The following SNTB1 variants were observed in gnomAD, a reference collection of about 807,000 sequenced individuals.
SNTB1 encodes the protein beta-1-syntrophin.
A neutral mutation model predicts 48.9 loss-of-function variants in SNTB1; 36 were observed. The observed-to-expected ratio is 0.74, with a 90% confidence interval of 0.56 to 0.97. SNTB1 has a LOEUF of 0.97. SNTB1 is among the 50% of genes least tolerant of loss of function. The pLI, the probability that SNTB1 is intolerant of heterozygous loss-of-function variation, is 0.00. For missense variants in SNTB1, 786 were observed against 703.4 expected (o/e 1.12, Z -1.33); for synonymous variants, 299 against 294.6 (o/e 1.01, Z -0.15).
chr8:120,762,867 A>G (rs1819446026), intron 1 of SNTB1, among the ~76,000 whole-genome samples: 1 of 152,218 alleles, frequency 6.6e-6, no homozygotes, highest in Non-Finnish European at 1.5e-5. Context: ...TAACAACAAA[A>G]TAACTAATAT....
At chr8:120,641,044 T>C (rs1817185767) in intron 2 of SNTB1, among the ~76,000 whole-genome samples, 1 of 152,142 alleles carries the variant, frequency 6.6e-6, no homozygotes, top group South Asian at 2.1e-4. Flanking sequence ...GCCAGCATTT[T>C]TTTTTCTTCC....
intron 3 of SNTB1, among the ~76,000 whole-genome samples, chr8:120,602,044 T>A (rs1415075355): frequency 2.0e-5 from 3 of 152,268 alleles, no homozygotes; most frequent in African/African-American, 7.2e-5. Context: ...TGATTAAATT[T>A]CATTTAGTAT....
intron 3 of SNTB1, among the ~76,000 whole-genome samples, chr8:120,594,401 C>A (rs757833032): frequency 5.3e-5 from 8 of 152,174 alleles, no homozygotes; most frequent in Non-Finnish European, 8.8e-5. Context: ...CCAAGCCCAG[C>A]TAATTTTTGT....
At chr8:120,776,192 T>C (rs1427803332) in intron 1 of SNTB1, among the ~76,000 whole-genome samples, 1 of 152,194 alleles carries the variant, frequency 6.6e-6, no homozygotes, top group African/African-American at 2.4e-5. Context: ...CTCCTCAGAT[T>C]ACCAATCCTC....
chr8:120,768,967 T>G (rs1027380814), intron 1 of SNTB1: 1 of 152,228 alleles, frequency 6.6e-6, no homozygotes, highest in Non-Finnish European at 1.5e-5. Flanking sequence ...ATCAGACTGA[T>G]GCACACTACC....
At chr8:120,588,139 T>C (rs1816179528) in intron 3 of SNTB1, among the ~76,000 whole-genome samples, 1 of 152,152 alleles carries the variant, frequency 6.6e-6, no homozygotes, top group Non-Finnish European at 1.5e-5. Flanking sequence ...TGGGGTGTGT[T>C]TGTGGGCTTC....
intron 3 of SNTB1, among the ~76,000 whole-genome samples, chr8:120,624,670 G>A (rs965126470): frequency 2.0e-5 from 3 of 152,114 alleles, no homozygotes; most frequent in Non-Finnish European, 4.4e-5. Flanking sequence ...TAGTCCCAGA[G>A]TCTTAACTTG....
chr8:120,662,813 A>T (rs1817612122), intron 2 of SNTB1, among the ~76,000 whole-genome samples: 2 of 152,138 alleles, frequency 1.3e-5, no homozygotes, highest in African/African-American at 4.8e-5. Context: ...CAAAAACATA[A>T]ACTGAAAGAG....
chr8:120,785,833 TACA>T (rs1206109933), intron 1 of SNTB1, among the ~76,000 whole-genome samples: 1 of 152,176 alleles, frequency 6.6e-6, no homozygotes, highest in Non-Finnish European at 1.5e-5. Context: ...CCCAGCCCAT[TACA>T]ACATCTGCAG....
At chr8:120,731,870 AC>A (rs1818857440) in intron 1 of SNTB1, among the ~76,000 whole-genome samples, 1 of 152,234 alleles carries the variant, frequency 6.6e-6, no homozygotes, top group Non-Finnish European at 1.5e-5. Flanking sequence ...TCTAAGATGA[AC>A]TTCAACAGAA....
intron 4 of SNTB1, among the ~76,000 whole-genome samples, chr8:120,550,529 G>A (rs984473321): frequency 5.8e-5 from 8 of 137,468 alleles, no homozygotes; most frequent in African/African-American, 1.1e-4. Context: ...GCAACAGTGC[G>A]AGACTCTGTC....
At chr8:120,764,512 G>GA (rs961330877) in intron 1 of SNTB1, among the ~76,000 whole-genome samples, 5 of 152,138 alleles carry the variant, frequency 3.3e-5, no homozygotes, top group Non-Finnish European at 7.4e-5. Context: ...CAAGGGTGAA[G>GA]AAAAAATTAC....
chr8:120,664,566 A>T (rs1817643427), intron 2 of SNTB1, among the ~76,000 whole-genome samples: 1 of 152,150 alleles, frequency 6.6e-6, no homozygotes, highest in Non-Finnish European at 1.5e-5. Flanking sequence ...CACACAGCAT[A>T]ATTGTTTTAA....
chr8:120,597,040 G>T (rs1208664718), intron 3 of SNTB1, among the ~76,000 whole-genome samples: 3 of 152,186 alleles, frequency 2.0e-5, no homozygotes, highest in Non-Finnish European at 4.4e-5. Flanking sequence ...GAGATAGGGA[G>T]ACTAGCCTGA....
chr8:120,787,750 T>C (rs777107338), intron 1 of SNTB1, among the ~76,000 whole-genome samples: 1 of 152,096 alleles, frequency 6.6e-6, no homozygotes, highest in Non-Finnish European at 1.5e-5. Context: ...GCCAAACCTA[T>C]GAATCATAGG....
At chr8:120,722,593 GT>G (rs1446490511) in intron 1 of SNTB1, among the ~76,000 whole-genome samples, 11 of 152,166 alleles carry the variant, frequency 7.2e-5, no homozygotes, top group African/African-American at 2.4e-4. Flanking sequence ...TGATGGGGTT[GT>G]TTTTTTCTTG....
At chr8:120,547,417 A>G (rs1446506850) in intron 5 of SNTB1, among the ~76,000 whole-genome samples, 1 of 151,874 alleles carries the variant, frequency 6.6e-6, no homozygotes, top group Non-Finnish European at 1.5e-5. Flanking sequence ...CCAACATGGT[A>G]AAACCCCATC....
intron 1 of SNTB1, among the ~76,000 whole-genome samples, chr8:120,700,156 C>CGTGTGTGTGTGTGTGTGTGTGTGTGTGT (rs58077307): frequency 2.1e-4 from 31 of 149,272 alleles, no homozygotes; most frequent in African/African-American, 7.4e-4. Context: ...AAAAAAATTG[C>CGTGTGTGTGTGTGTGTGTGTGTGTGTGT]GTGTGTGTGT....
chr8:120,698,028 T>G (rs1669000171), intron 1 of SNTB1, among the ~76,000 whole-genome samples: 1 of 152,044 alleles, frequency 6.6e-6, no homozygotes. Context: ...CTAAATATGT[T>G]TAACTGGGCC....
Sources: allele counts gnomAD v4.1 joint callset (sites outside exome capture counted in the v4.1 genomes callset), GRCh38; gene constraint gnomAD v4.1.1; transcripts MANE v1.5; gene names NCBI Gene and HGNC (gene_info 2026-07-23, HGNC 2026-07-21).